The following IRAG1 variants were observed in gnomAD, a reference collection of about 807,000 sequenced individuals.
IRAG1 encodes the protein inositol 1,4,5-triphosphate receptor associated 1, also known as IP3R-associated cGMP kinase substrate.
Under a neutral mutation model 106.2 loss-of-function variants are expected in IRAG1, and 62 were observed. The ratio of observed to expected loss-of-function variants is 0.58; its 90% CI spans 0.48 to 0.72. The LOEUF (loss-of-function observed/expected upper bound fraction) is 0.72. Ranked by LOEUF, IRAG1 falls within the 30% of genes least tolerant of loss-of-function variation. IRAG1 has a pLI of 0.00. For missense variants in IRAG1, 1,064 were observed against 1,140.7 expected, an observed-to-expected ratio of 0.93 and a Z score of 0.97; for synonymous variants, 462 against 443.9, an observed-to-expected ratio of 1.04 and a Z score of -0.51.
chr11:10,593,575 C>G lies in IRAG1; in HGVS notation c.2092G>C (p.Val698Leu). Residue 698 changes from valine (V) to leucine (L), a missense_variant, in exon 17 of 21, where the codon GTT becomes CTT. Val to Leu is a conservative substitution (Grantham distance 32). Transcript: ENST00000423302. ...GKNMPRRRVS[V>L]AVVPKFNALN... is the part of the protein sequence containing the mutation. ...GCATTAAACTTAGGAACCACAGCAACGCTGACCCTCCGGCGAGGCATATTC... is the reference window on the plus strand; with the variant it reads ...GCATTAAACTTAGGAACCACAGCAAGGCTGACCCTCCGGCGAGGCATATTC... The G allele has an allele frequency of 6.2e-7, 1 of 1,613,756 alleles. No individual in the cohort carries two copies. Among genetic ancestry groups the G allele is most frequent in the Non-Finnish European group, 8.5e-7 (1 of 1,179,738 alleles).
Position 10,687,795 on chromosome 11 carries a change from G to A in IRAG1, c.67+5741C>T, listed in dbSNP as rs189280610. Reference sequence around the variant, plus strand: ...TGGAATCTCTGGAGGGGAACAGACAGGGGCTAGAAATAATAAGACCTAATG... The same window carrying A: ...TGGAATCTCTGGAGGGGAACAGACAAGGGCTAGAAATAATAAGACCTAATG... On this transcript the variant is annotated intron_variant, in intron 1 of 20. Coordinates refer to ENST00000423302, the MANE Select transcript of IRAG1 (RefSeq NM_130385.4). The A allele has an allele frequency of 1.7e-3, 2,138 of 1,289,168 alleles. 3 individuals carry two copies. The highest frequency in any genetic ancestry group is 2.2e-3 in the Admixed American group (98 of 43,562). The allele number at this position is 1,289,168 out of a possible 1,614,324, so 79.9% of individuals were successfully genotyped here.
intron 1 of IRAG1, among the ~76,000 whole-genome samples, chr11:10,673,268 A>T (rs1860393844): frequency 6.6e-6 from 1 of 152,150 alleles, no homozygotes; most frequent in South Asian, 2.1e-4. Context: ...TGGGTGACGG[A>T]GTGAAACTTT....
intron 11 of IRAG1, among the ~76,000 whole-genome samples, chr11:10,607,726 A>T (rs572538318): frequency 6.6e-6 from 1 of 152,172 alleles, no homozygotes; most frequent in East Asian, 1.9e-4. Context: ...AGGGACCCCA[A>T]GAGCAAAGGT....
intron 1 of IRAG1, among the ~76,000 whole-genome samples, chr11:10,678,735 G>A (rs958148310): frequency 6.6e-6 from 1 of 152,186 alleles, no homozygotes; most frequent in African/African-American, 2.4e-5. Flanking sequence ...ATGCTGGCAT[G>A]GACCTCTGCA....
Position 10,665,369 on chromosome 11 carries a change from A to G in IRAG1, c.68-13187T>C, listed in dbSNP as rs1859709176. Among the ~76,000 whole-genome samples the G allele has an allele frequency of 6.6e-6, 1 of 152,114 alleles. No homozygotes were observed. The highest frequency in any genetic ancestry group is 1.5e-5 in the Non-Finnish European group (1 of 68,010). On this transcript the variant is annotated intron_variant, in intron 1 of 20. Coordinates refer to ENST00000423302, the MANE Select transcript of IRAG1 (RefSeq NM_130385.4). The surrounding 1 kb of genome is among the most constrained non-coding windows in gnomAD (Gnocchi z 4.2). ...ATGCCTGTCCCCACTTCTTTTTACT[A>G]ATACACACATCTAAACTGTTAGGGC... is the stretch of plus-strand genomic sequence containing the variant.
rs570249031 is a variant in IRAG1 at position 10,590,199 on chromosome 11, G to A, written c.2240+1349C>T. Among the ~76,000 whole-genome samples the A allele has an allele frequency of 1.0e-3, 153 of 152,276 alleles. 1 individual carries two copies. The highest frequency in any genetic ancestry group is 3.2e-3 in the African/African-American group (134 of 41,540). ...TACTATGACTCTAGGGACTTGGTAA[G>A]TTTCTGTAAACTCGGTTACTTCCAT... On this transcript the variant is annotated intron_variant, in intron 18 of 20. Transcript: ENST00000423302.
intron 15 of IRAG1, 80 bp from the exon 16 acceptor site, chr11:10,594,275 G>A (rs1001884530): frequency 3.9e-5 from 53 of 1,358,324 alleles, no homozygotes; most frequent in African/African-American, 2.2e-4. Context: ...CTAGGCTATC[G>A]TATCCATGGG....
At chr11:10,640,920 C>A (rs1452601303) in intron 2 of IRAG1, among the ~76,000 whole-genome samples, 1 of 152,214 alleles carries the variant, frequency 6.6e-6, no homozygotes, top group Non-Finnish European at 1.5e-5. Context: ...AAGAATTAAA[C>A]AAGTTGATAT....
At chr11:10,684,954 C>T (rs1861557436) in intron 1 of IRAG1, among the ~76,000 whole-genome samples, 2 of 152,152 alleles carry the variant, frequency 1.3e-5, no homozygotes, top group Non-Finnish European at 2.9e-5. Context: ...CCAAACTTCC[C>T]AGAGGAAAGA....
chr11:10,626,026 G>A lies in IRAG1; in HGVS notation c.1308C>T (p.Leu436=), dbSNP rs773636342. The A allele has an allele frequency of 2.0e-6, 3 of 1,509,056 alleles. No individual in the cohort carries two copies. In the South Asian group the frequency reaches 4.1e-5, roughly 20 times the overall value. The allele number at this position is 1,509,056 out of a possible 1,614,324, so 93.5% of individuals were successfully genotyped here. A position where few individuals can be genotyped will look rare whatever the true frequency, so the allele number is the denominator to read the frequency against. ...GCTGCACTTGTATCTGAAAGTCTTT[G>A]AGACCAGGGGCCTTGGCCAGCTTGC... The part of the protein sequence containing the change: ...AGGKLAKAPG[L]KDFQIQVQPV... The change falls in exon 9 of 21, where the codon CTC becomes CTT. Residue 436 remains leucine (L), a synonymous_variant. Transcript: ENST00000423302.
chr11:10,618,447 A>G (rs1419982982), intron 10 of IRAG1, among the ~76,000 whole-genome samples: 1 of 152,206 alleles, frequency 6.6e-6, no homozygotes, highest in African/African-American at 2.4e-5. Context: ...GTCCCTGGCA[A>G]TGAGCTGGGA....
chr11:10,593,726 A>C, intron 16 of IRAG1, 127 bp from the exon 17 acceptor site: 2 of 734,350 alleles, frequency 2.7e-6, no homozygotes, highest in Non-Finnish European at 4.4e-6. Flanking sequence ...TTGGTTTTGC[A>C]GTAGCAATGA....
intron 18 of IRAG1, among the ~76,000 whole-genome samples, chr11:10,583,292 C>T (rs572729104): frequency 3.4e-4 from 52 of 152,258 alleles, no homozygotes; most frequent in African/African-American, 1.2e-3. Flanking sequence ...TCATGAGGAA[C>T]TCCACACTTG....
chr11:10,681,881 C>T (rs1465974443), intron 1 of IRAG1, among the ~76,000 whole-genome samples: 1 of 152,168 alleles, frequency 6.6e-6, no homozygotes. Flanking sequence ...CCCTTAATAC[C>T]TTTCTATAAA....
chr11:10,687,336 A>G (rs1861733698), intron 1 of IRAG1, among the ~76,000 whole-genome samples: 1 of 152,222 alleles, frequency 6.6e-6, no homozygotes, highest in Non-Finnish European at 1.5e-5. Flanking sequence ...ACCTGCATGA[A>G]TAGCTCAGCC....
intron 15 of IRAG1, among the ~76,000 whole-genome samples, chr11:10,598,746 C>CTAG (rs1853608650): frequency 6.7e-6 from 1 of 148,442 alleles, no homozygotes; most frequent in Non-Finnish European, 1.5e-5. Flanking sequence ...TTCCCCTGAG[C>CTAG]TAGTATTCAT....
chr11:10,588,996 C>T (rs909870650), intron 18 of IRAG1: 1 of 152,122 alleles, frequency 6.6e-6, no homozygotes, highest in South Asian at 2.1e-4. Context: ...TATCACTCTC[C>T]ACCCATATGT....
At chr11:10,594,873 A>G (rs544629233) in intron 15 of IRAG1, among the ~76,000 whole-genome samples, 2 of 152,178 alleles carry the variant, frequency 1.3e-5, no homozygotes, top group East Asian at 3.9e-4. Context: ...TCATATCCAT[A>G]TATTTTTGGT....
chr11:10,679,610 T>G (rs1443903935), intron 1 of IRAG1, among the ~76,000 whole-genome samples: 1 of 152,230 alleles, frequency 6.6e-6, no homozygotes, highest in African/African-American at 2.4e-5. Context: ...GTTTGTGAGC[T>G]GACCTTGCTC....
Sources: allele counts gnomAD v4.1 joint callset (sites outside exome capture counted in the v4.1 genomes callset), GRCh38; gene constraint gnomAD v4.1.1; non-coding constraint Gnocchi (gnomAD v3.1); transcripts MANE v1.5; gene names NCBI Gene and HGNC (gene_info 2026-07-23, HGNC 2026-07-21).